FER: variants seen among roughly 807,000 people sequenced by gnomAD.
FER encodes the protein FER tyrosine kinase, also known as tyrosine-protein kinase Fer.
A neutral mutation model predicts 111.0 loss-of-function variants in FER; 63 were observed. That is an observed-to-expected ratio of 0.57 (90% CI 0.46 to 0.70). The LOEUF is 0.70. Ranked by LOEUF, FER falls within the 30% of genes least tolerant of loss-of-function variation. FER has a pLI of 0.00. For synonymous variants in FER, 327 were observed against 313.9 expected (o/e 1.04, Z -0.44); for missense variants, 914 against 954.0 (o/e 0.96, Z 0.55).
chr5:108,965,364 T>C (rs757642399), intron 13 of FER, among the ~76,000 whole-genome samples: 9 of 152,142 alleles, frequency 5.9e-5, no homozygotes, highest in Non-Finnish European at 1.0e-4. Flanking sequence ...TCTGTAGTTA[T>C]ATGGTGGAAA....
chr5:108,974,778 G>A (rs1761116893), intron 13 of FER, among the ~76,000 whole-genome samples: 1 of 152,182 alleles, frequency 6.6e-6, no homozygotes, highest in African/African-American at 2.4e-5. Flanking sequence ...CATGGCCAAG[G>A]TCCAAGGAAT....
At chr5:109,009,117 G>A (rs1457244791) in intron 13 of FER, among the ~76,000 whole-genome samples, 1 of 137,646 alleles carries the variant, frequency 7.3e-6, no homozygotes, top group Non-Finnish European at 1.5e-5. Flanking sequence ...GCGTGATCTC[G>A]GCTCCCTGCA....
Position 109,195,457 on chromosome 5 carries a change from TGG to T in FER, c.*7883_*7884del, listed in dbSNP as rs1487380933. 3 of 152,222 alleles carry T rather than the reference TGG, an allele frequency of 2.0e-5. No individual in the cohort carries two copies. The highest frequency in any genetic ancestry group is 7.2e-5 in the African/African-American group (3 of 41,450). The allele number at this position is 152,222 out of a possible 1,614,324, so 9.4% of individuals were successfully genotyped here. ...TTTTTGGCTTTAGTGTCAAAGAGAT[TGG>T]TTCTACAAGGTTCATCTGATTTCCC... is the stretch of plus-strand genomic sequence containing the variant. On this transcript the variant is annotated 3_prime_UTR_variant, in exon 20 of 20. Transcript: ENST00000281092.
intron 10 of FER, among the ~76,000 whole-genome samples, chr5:108,905,051 C>G (rs1463698379): frequency 6.6e-6 from 1 of 151,972 alleles, no homozygotes; most frequent in Non-Finnish European, 1.5e-5. Context: ...TAATCATTTT[C>G]CAAATGATTC....
intron 10 of FER, among the ~76,000 whole-genome samples, chr5:108,918,606 C>G (rs1376541909): frequency 6.6e-6 from 1 of 151,878 alleles, no homozygotes; most frequent in African/African-American, 2.4e-5. Context: ...CCTGCCTCAG[C>G]CTCCCGAGTA....
At chr5:108,801,675 C>T (rs1756663409) in intron 3 of FER, among the ~76,000 whole-genome samples, 1 of 152,176 alleles carries the variant, frequency 6.6e-6, no homozygotes, top group Non-Finnish European at 1.5e-5. Context: ...TTCTTTTTCA[C>T]AGTTGCATGG....
intron 9 of FER, among the ~76,000 whole-genome samples, chr5:108,889,082 C>T (rs781633587): frequency 3.0e-4 from 45 of 151,806 alleles, no homozygotes; most frequent in African/African-American, 6.3e-4. Context: ...TTTGGGTAGG[C>T]GCCCAAGACA....
At chr5:109,116,393 A>G (rs1750236303) in intron 17 of FER, among the ~76,000 whole-genome samples, 1 of 150,612 alleles carries the variant, frequency 6.6e-6, no homozygotes, top group Non-Finnish European at 1.5e-5. Flanking sequence ...TTCCCTTTTT[A>G]TGGAGAATGC....
intron 16 of FER, chr5:109,051,905 T>C: frequency 6.4e-7 from 1 of 1,570,996 alleles, no homozygotes; most frequent in East Asian, 2.2e-5. Context: ...CTTTTGCAAG[T>C]GTGAACAGCA....
intron 2 of FER, among the ~76,000 whole-genome samples, chr5:108,770,121 T>C (rs1752737291): frequency 6.6e-6 from 1 of 152,138 alleles, no homozygotes; most frequent in Non-Finnish European, 1.5e-5. Flanking sequence ...GCTAATTTCG[T>C]ATTTTTAGTA....
chr5:108,921,583 G>A (rs1471804469), intron 10 of FER, among the ~76,000 whole-genome samples: 2 of 152,094 alleles, frequency 1.3e-5, no homozygotes, highest in African/African-American at 2.4e-5. Context: ...CTAGGGGATA[G>A]GGAACATATC....
At chr5:109,124,951 C>T (rs1018399870) in intron 17 of FER, among the ~76,000 whole-genome samples, 7 of 148,392 alleles carry the variant, frequency 4.7e-5, no homozygotes, top group Non-Finnish European at 1.0e-4. Context: ...GAGGCTGAGG[C>T]AGGAGAATGG....
intron 3 of FER, among the ~76,000 whole-genome samples, chr5:108,802,923 T>A (rs1171270201): frequency 1.3e-5 from 2 of 152,170 alleles, no homozygotes; most frequent in African/African-American, 4.8e-5. Context: ...TCTAGAGTGC[T>A]TTCTCTAGTG....
intron 17 of FER, among the ~76,000 whole-genome samples, chr5:109,123,955 C>G (rs371782175): frequency 2.0e-5 from 3 of 152,010 alleles, no homozygotes; most frequent in Non-Finnish European, 2.9e-5. Context: ...AAGAGCATGG[C>G]GCAGTGGCTC....
At chr5:109,054,209 A>T (rs72790592) in intron 16 of FER, among the ~76,000 whole-genome samples, 4,815 of 152,278 alleles carry the variant, frequency 0.032, 100 homozygotes, top group Middle Eastern at 0.11. Context: ...AGAAACTACC[A>T]AATTACTTTC....
intron 4 of FER, among the ~76,000 whole-genome samples, chr5:108,834,526 C>T (rs1026906899): frequency 4.6e-5 from 7 of 151,730 alleles, no homozygotes; most frequent in Middle Eastern, 6.8e-3. Context: ...GGTGAAACCC[C>T]GTCTCTACTA....
rs147563461 is a variant in FER at position 108,941,820 on chromosome 5, C to T, written c.1237-4310C>T. Among the ~76,000 whole-genome samples, 5 of 152,208 alleles carry T rather than the reference C, an allele frequency of 3.3e-5. 1 individual carries two copies. In the East Asian group the frequency reaches 9.7e-4, roughly 29 times the overall value. ...GAAGGATGGATGAATAGGCAGAGCACAGAGGATCTTTAGGACAGTGTTGGC... is the reference window on the plus strand; with the variant it reads ...GAAGGATGGATGAATAGGCAGAGCATAGAGGATCTTTAGGACAGTGTTGGC... On this transcript the variant is annotated intron_variant, in intron 10 of 19. Coordinates refer to ENST00000281092, the MANE Select transcript of FER (RefSeq NM_005246.4).
rs530396897 is a variant in FER, at chr5:109,048,633, A to G, written c.1924+1435A>G. 5.3e-5 allele frequency among the ~76,000 whole-genome samples: 8 copies of G among 152,326 alleles called. No individual in the cohort carries two copies. In the East Asian group the frequency reaches 1.2e-3, roughly 22 times the overall value. On this transcript the variant is annotated intron_variant, in intron 16 of 19. Transcript: ENST00000281092. ...TAACCTGTTTATATTTTTTAAATGA[A>G]TAAGAATAATAAACTTCATTAGAAA...
intron 3 of FER, among the ~76,000 whole-genome samples, chr5:108,814,588 GAATGCT>G (rs2150085942): frequency 6.6e-6 from 1 of 152,268 alleles, no homozygotes; most frequent in South Asian, 2.1e-4. Flanking sequence ...GCAAAATTAG[GAATGCT>G]TCTGTTCTCA....
Sources: allele counts gnomAD v4.1 joint callset (sites outside exome capture counted in the v4.1 genomes callset), GRCh38; gene constraint gnomAD v4.1.1; transcripts MANE v1.5; gene names NCBI Gene and HGNC (gene_info 2026-07-23, HGNC 2026-07-21).